The following PID1 variants were observed in gnomAD, a reference collection of about 807,000 sequenced individuals.
PID1 encodes phosphotyrosine interaction domain containing 1.
A neutral mutation model predicts 19.1 loss-of-function variants in PID1; 10 were observed. The observed-to-expected ratio is 0.52, with a 90% CI of 0.32 to 0.89. PID1 has a LOEUF of 0.89. Among genes scored for constraint, PID1 ranks in the 40% least tolerant of loss-of-function variants. The pLI, the probability that PID1 is intolerant of heterozygous loss-of-function variation, is 0.03. For missense variants in PID1, 248 were observed against 285.3 expected, an observed-to-expected ratio of 0.87 and a Z score of 0.94; for synonymous variants, 130 against 116.0, an observed-to-expected ratio of 1.12 and a Z score of -0.78.
intron 1 of PID1, among the ~76,000 whole-genome samples, chr2:229,258,958 A>G (rs1252816392): frequency 6.6e-6 from 1 of 151,298 alleles, no homozygotes; most frequent in South Asian, 2.1e-4. Flanking sequence ...GTCCATCCTC[A>G]GGTAACTACT....
chr2:229,231,877 AC>A, intron 1 of PID1: 1 of 1,548,940 alleles, frequency 6.5e-7, no homozygotes, highest in Non-Finnish European at 8.7e-7. Flanking sequence ...ATAACGAAAT[AC>A]CACAGAGTAG....
intron 2 of PID1, among the ~76,000 whole-genome samples, chr2:229,104,095 G>C (rs1181368901): frequency 6.6e-6 from 1 of 152,010 alleles, no homozygotes; most frequent in Non-Finnish European, 1.5e-5. Context: ...TTTTTTACAA[G>C]AGCCTGAGTT....
At position 229,068,779 on chromosome 2, in the gene PID1, G is replaced by A. The variant is rs1694385808; in HGVS notation, c.178-42671C>T. On this transcript the variant is annotated intron_variant, in intron 2 of 2. Transcript: ENST00000392055. ...CCTCACAACTGTGTATGTAAGAATT[G>A]GTGTCTGTTTTGTAGATGAAGAGAA... 2.0e-5 allele frequency among the ~76,000 whole-genome samples: 3 copies of A among 152,224 alleles called. No homozygotes were observed. The South Asian group carries it at 6.2e-4, about 32-fold the overall frequency.
At chr2:229,172,655 A>T (rs1316912179) in intron 1 of PID1, among the ~76,000 whole-genome samples, 1 of 152,196 alleles carries the variant, frequency 6.6e-6, no homozygotes, top group Non-Finnish European at 1.5e-5. Context: ...TTACCTCTGT[A>T]AAGGCCTTAT....
chr2:229,072,883 G>A (rs1357059870), intron 2 of PID1, among the ~76,000 whole-genome samples: 3 of 152,194 alleles, frequency 2.0e-5, no homozygotes, highest in African/African-American at 7.2e-5. Flanking sequence ...GTGTTAGAGT[G>A]CTTGTGAAAT....
At chr2:229,263,533 G>A (rs1427802926) in intron 1 of PID1, among the ~76,000 whole-genome samples, 1 of 152,152 alleles carries the variant, frequency 6.6e-6, no homozygotes, top group Non-Finnish European at 1.5e-5. Context: ...TATCATGGCT[G>A]GGCTAGAACA....
At chr2:229,048,333 A>T (rs1047863377) in intron 2 of PID1, among the ~76,000 whole-genome samples, 1 of 152,192 alleles carries the variant, frequency 6.6e-6, no homozygotes, top group African/African-American at 2.4e-5. Context: ...TCTGCACTGC[A>T]GCCCTCACTC....
At chr2:229,141,290 A>G (rs1307699790) in intron 2 of PID1, among the ~76,000 whole-genome samples, 2 of 152,046 alleles carry the variant, frequency 1.3e-5, no homozygotes, top group Non-Finnish European at 2.9e-5. Context: ...CTACCTCCAA[A>G]CCAGATGTTC....
chr2:229,133,756 T>C (rs1239192864), intron 2 of PID1, among the ~76,000 whole-genome samples: 1 of 152,222 alleles, frequency 6.6e-6, no homozygotes, highest in East Asian at 1.9e-4. Context: ...TATTGACATT[T>C]GAGCTGGACA....
chr2:229,247,532 G>A (rs138671758), intron 1 of PID1, among the ~76,000 whole-genome samples: 72 of 152,322 alleles, frequency 4.7e-4, no homozygotes, highest in African/African-American at 1.5e-3. Context: ...ACTAGTGCAA[G>A]CGAACTTGGA....
At chr2:229,217,779 C>A (rs1307596048) in intron 1 of PID1, among the ~76,000 whole-genome samples, 1 of 152,208 alleles carries the variant, frequency 6.6e-6, no homozygotes, top group African/African-American at 2.4e-5. Context: ...CTATCACCAC[C>A]AGACAATCTG....
At chr2:229,089,729 G>T (rs1694833456) in intron 2 of PID1, among the ~76,000 whole-genome samples, 1 of 152,170 alleles carries the variant, frequency 6.6e-6, no homozygotes, top group Non-Finnish European at 1.5e-5. Context: ...AATTTGTCTA[G>T]AAAGGGAGTC....
At chr2:229,144,167 C>T (rs1690077075) in intron 2 of PID1, among the ~76,000 whole-genome samples, 1 of 152,110 alleles carries the variant, frequency 6.6e-6, no homozygotes, top group Admixed American at 6.6e-5. Context: ...AAAAGGCACA[C>T]AATGTTTACT....
At chr2:229,102,403 A>G (rs371674188) in intron 2 of PID1, among the ~76,000 whole-genome samples, 18 of 152,324 alleles carry the variant, frequency 1.2e-4, no homozygotes, top group African/African-American at 3.1e-4. Flanking sequence ...GCTATTGTTA[A>G]TAGAAGACTC....
At chr2:229,137,084 A>G (rs999603921) in intron 2 of PID1, among the ~76,000 whole-genome samples, 1 of 152,226 alleles carries the variant, frequency 6.6e-6, no homozygotes, top group Admixed American at 6.5e-5. Context: ...ACATTTAAGA[A>G]CACTAATAAA....
chr2:229,239,567 G>A (rs1689815098), intron 1 of PID1, among the ~76,000 whole-genome samples: 1 of 152,056 alleles, frequency 6.6e-6, no homozygotes, highest in African/African-American at 2.4e-5. Context: ...AGGGGGTTAT[G>A]ACTAGATTTA....
At position 229,241,315 on chromosome 2, in the gene PID1, T is replaced by C. The variant is rs147105546; in HGVS notation, c.30+29699A>G. Among the ~76,000 whole-genome samples, 132 of 152,290 alleles carry C rather than the reference T, an allele frequency of 8.7e-4. 1 individual carries two copies. The highest frequency in any genetic ancestry group is 3.1e-3 in the African/African-American group (130 of 41,574). On this transcript the variant is annotated intron_variant, in intron 1 of 2. Transcript: ENST00000392055. ...TCTGTATTCTGTTCTCATTCTGCAA[T>C]AACAGGACTATTGATTTGTGTTTTA...
chr2:229,238,241 G>A (rs2106273881), intron 1 of PID1, among the ~76,000 whole-genome samples: 1 of 152,278 alleles, frequency 6.6e-6, no homozygotes, highest in East Asian at 1.9e-4. Flanking sequence ...TTTTAAAGGG[G>A]TTGGGTTGGA....
chr2:229,254,525 T>C lies in PID1; in HGVS notation c.30+16489A>G, dbSNP rs975108454. ...CAATATACATTCTTCTATTAGGCCATGAAGGTTAAGTAACTAATCATGTTT... is the reference window on the plus strand; with the variant it reads ...CAATATACATTCTTCTATTAGGCCACGAAGGTTAAGTAACTAATCATGTTT... On this transcript the variant is annotated intron_variant, in intron 1 of 2. Transcript: ENST00000392055. Among the ~76,000 whole-genome samples the C allele has an allele frequency of 1.3e-4, 20 of 152,210 alleles. 1 individual carries two copies. Among genetic ancestry groups the C allele is most frequent in the Admixed American group, 9.8e-4 (15 of 15,284 alleles).
Sources: gnomAD v4.1 joint callset for allele counts (sites outside exome capture counted in the v4.1 genomes callset) on GRCh38, gnomAD v4.1.1 for gene constraint, MANE v1.5 for transcripts, NCBI Gene and HGNC (gene_info 2026-07-23, HGNC 2026-07-21) for gene names.